Variants in ANK1 observed in about 807,000 individuals in gnomAD.
ANK1 encodes ankyrin-1.
Under a neutral mutation model 210.4 loss-of-function variants are expected in ANK1, and 51 were observed. The ratio of observed to expected loss-of-function variants is 0.24; its 90% CI spans 0.19 to 0.31. The LOEUF (loss-of-function observed/expected upper bound fraction) is 0.31, where lower values mean the gene tolerates loss of function less well. Ranked by LOEUF, ANK1 falls within the 10% of genes least tolerant of loss-of-function variation. ANK1 has a pLI of 1.00. For missense variants in ANK1, 2,051 were observed against 2,504.4 expected, an observed-to-expected ratio of 0.82 and a Z score of 3.86; for synonymous variants, 967 against 1,025.9, an observed-to-expected ratio of 0.94 and a Z score of 1.10.
At chr8:41,806,107 A>G (rs1294429606) in intron 1 of ANK1, among the ~76,000 whole-genome samples, 7 of 152,094 alleles carry the variant, frequency 4.6e-5, no homozygotes. Flanking sequence ...TGACCCTAGA[A>G]CCCCTTGAAA....
At chr8:41,736,649 G>A (rs1023968296) in intron 2 of ANK1, among the ~76,000 whole-genome samples, 7 of 152,194 alleles carry the variant, frequency 4.6e-5, no homozygotes, top group Non-Finnish European at 1.0e-4. Context: ...CAGTCGCTCT[G>A]ATGAGCATCT....
chr8:41,884,266 T>C (rs1221214142), intron 1 of ANK1, among the ~76,000 whole-genome samples: 5 of 152,128 alleles, frequency 3.3e-5, no homozygotes, highest in Non-Finnish European at 7.3e-5. Context: ...GAGAATCACT[T>C]GAACCTGGGA....
At chr8:41,814,812 C>T (rs1369290489) in intron 1 of ANK1, among the ~76,000 whole-genome samples, 1 of 151,436 alleles carries the variant, frequency 6.6e-6, no homozygotes, top group African/African-American at 2.4e-5. Context: ...CGGAACTTAG[C>T]AGATTTCTAG....
intron 22 of ANK1, among the ~76,000 whole-genome samples, chr8:41,700,065 T>C (rs762533782): frequency 6.6e-6 from 1 of 152,236 alleles, no homozygotes; most frequent in African/African-American, 2.4e-5. Flanking sequence ...TCTTTGTTTC[T>C]CTCTCCTAGC....
At chr8:41,749,010 G>A (rs1000654589) in intron 2 of ANK1, among the ~76,000 whole-genome samples, 5 of 151,280 alleles carry the variant, frequency 3.3e-5, no homozygotes, top group South Asian at 4.2e-4. Flanking sequence ...CCTCCAACCT[G>A]GGCGACAGAG....
At chr8:41,819,407 A>G (rs1803840424) in intron 1 of ANK1, among the ~76,000 whole-genome samples, 1 of 152,250 alleles carries the variant, frequency 6.6e-6, no homozygotes, top group African/African-American at 2.4e-5. Flanking sequence ...GAGAAGATGC[A>G]GCTCCCAATG....
intron 1 of ANK1, among the ~76,000 whole-genome samples, chr8:41,822,146 G>GAA (rs1283046925): frequency 5.4e-5 from 2 of 37,370 alleles, no homozygotes; most frequent in Non-Finnish European, 1.6e-4. Flanking sequence ...AAGAAAGAAA[G>GAA]AAAGAAAGAA....
At chr8:41,760,376 C>T (rs1840123764) in intron 1 of ANK1, among the ~76,000 whole-genome samples, 1 of 152,222 alleles carries the variant, frequency 6.6e-6, no homozygotes, top group South Asian at 2.1e-4. Context: ...TGCACATACT[C>T]TCTTGCCTGC....
chr8:41,788,023 G>A (rs2150756306), intron 1 of ANK1, among the ~76,000 whole-genome samples: 1 of 152,306 alleles, frequency 6.6e-6, no homozygotes, highest in African/African-American at 2.4e-5. Context: ...TCTCAACACA[G>A]CATCCCAGAC....
chr8:41,820,929 A>T (rs1353773164), intron 1 of ANK1, among the ~76,000 whole-genome samples: 1 of 152,214 alleles, frequency 6.6e-6, no homozygotes, highest in Admixed American at 6.5e-5. Flanking sequence ...TATGATGAAC[A>T]AAAGCTATCT....
intron 1 of ANK1, among the ~76,000 whole-genome samples, chr8:41,821,212 TGAGA>T (rs1428353541): frequency 6.6e-6 from 1 of 152,206 alleles, no homozygotes; most frequent in Non-Finnish European, 1.5e-5. Flanking sequence ...TACAAAATCA[TGAGA>T]GACTTTGTCA....
chr8:41,696,718 G>T lies in ANK1; in HGVS notation c.2693C>A (p.Thr898Asn), dbSNP rs1228792218. ...GGCCACCGGGCTGATGTTGTCTGAG[G>T]TCTCGGTGGCCGGGCTGCTGGGGAT... The part of the protein sequence containing the change: ...SLIPSSPATE[T>N]SDNISPVASP... The change falls in exon 25 of 43, where the codon ACC (threonine) becomes AAC (asparagine). Residue 898 changes from threonine to asparagine, a missense_variant. By Grantham distance (65) the Thr-to-Asn change is moderately conservative. Coordinates refer to ENST00000289734, the MANE Select transcript of ANK1 (RefSeq NM_000037.4). 2 of 1,602,600 alleles carry T rather than the reference G, an allele frequency of 1.2e-6. No individual in the cohort carries two copies. Among genetic ancestry groups the T allele is most frequent in the Non-Finnish European group, 1.7e-6 (2 of 1,179,928 alleles).
rs955802520 is a variant in ANK1 at position 41,724,553 on chromosome 8, G to A, written c.614C>T (p.Thr205Met). 1.3e-5 allele frequency: 20 copies of A among 1,588,872 alleles called. No homozygotes were observed. The highest frequency in any genetic ancestry group is 3.5e-5 in the Admixed American group (2 of 56,492). Residue 205 changes from threonine (T) to methionine (M), a missense_variant and splice_region_variant, in exon 7 of 43, where the codon ACG becomes ATG. Physicochemically the swap from Thr to Met is moderately conservative, Grantham distance 81. Coordinates refer to ENST00000289734, the MANE Select transcript of ANK1 (RefSeq NM_000037.4). ...CGCAATGTGCAGGGGCGTGAATCCCGTCTGGGGCACAACAGAGGGGGAGAA... is the reference window on the plus strand; with the variant it reads ...CGCAATGTGCAGGGGCGTGAATCCCATCTGGGGCACAACAGAGGGGGAGAA... ...NDPNPDVLSK[T>M]GFTPLHIAAH... is the part of the protein sequence containing the mutation.
intron 35 of ANK1, 141 bp from the exon 36 acceptor site, chr8:41,686,424 G>T (rs118172314): frequency 7.8e-6 from 8 of 1,030,054 alleles, no homozygotes; most frequent in Non-Finnish European, 1.2e-5. Flanking sequence ...CCTCCCTGTG[G>T]GTTTGGTCTT....
At chr8:41,768,931 A>G (rs1419185626) in intron 1 of ANK1, among the ~76,000 whole-genome samples, 7 of 152,156 alleles carry the variant, frequency 4.6e-5, no homozygotes, top group Admixed American at 6.5e-5. Context: ...TGATTGCAAC[A>G]CTGCGCTCCA....
At chr8:41,895,867 G>C (rs974390776) in intron 1 of ANK1, among the ~76,000 whole-genome samples, 1 of 152,150 alleles carries the variant, frequency 6.6e-6, no homozygotes, top group Non-Finnish European at 1.5e-5. Flanking sequence ...CTCTTCGTCA[G>C]AGTGGGTCAC....
At chr8:41,815,118 T>G (rs1437305030) in intron 1 of ANK1, among the ~76,000 whole-genome samples, 2 of 152,098 alleles carry the variant, frequency 1.3e-5, no homozygotes, top group African/African-American at 2.4e-5. Context: ...TGAAGTAAAA[T>G]CAAAGTGACA....
chr8:41,663,885 A>G (rs772345225), intron 39 of ANK1, 143 bp from the exon 40 acceptor site: 30 of 738,572 alleles, frequency 4.1e-5, no homozygotes, highest in Non-Finnish European at 6.5e-5. Context: ...CTCAGCATGT[A>G]GCAGGAGCCA....
At chr8:41,829,935 C>CAAAAAAAAAAAAAAA (rs71548545) in intron 1 of ANK1, 2 of 71,594 alleles carry the variant, frequency 2.8e-5, no homozygotes, top group Non-Finnish European at 5.6e-5. Context: ...GACTCTGTCT[C>CAAAAAAAAAAAAAAA]AAAAAAAAAA....
Sources: gnomAD v4.1 joint callset for allele counts (sites outside exome capture counted in the v4.1 genomes callset) on GRCh38, gnomAD v4.1.1 for gene constraint, MANE v1.5 for transcripts, NCBI Gene and HGNC (gene_info 2026-07-23, HGNC 2026-07-21) for gene names.